The following FANCL variants were observed in gnomAD, a reference collection of about 807,000 sequenced individuals.
The protein encoded by FANCL is E3 ubiquitin-protein ligase FANCL.
Under a neutral mutation model 59.4 loss-of-function variants are expected in FANCL, and 69 were observed. That is an observed-to-expected ratio of 1.16 (90% CI 0.96 to 1.42). The LOEUF is 1.42. FANCL is among the 40% of genes most tolerant of loss of function. The probability of loss-of-function intolerance (pLI) is 0.00; values close to 1 mark genes in which losing one functional copy is unlikely to be tolerated. For synonymous variants in FANCL, 180 were observed against 147.1 expected, an observed-to-expected ratio of 1.22 and a Z score of -1.62; for missense variants, 519 against 447.2, an observed-to-expected ratio of 1.16 and a Z score of -1.45.
At chr2:58,163,743 T>G (rs952590007) in intron 8 of FANCL, among the ~76,000 whole-genome samples, 4 of 151,986 alleles carry the variant, frequency 2.6e-5, no homozygotes, top group African/African-American at 9.7e-5. Flanking sequence ...GTCAACAAAT[T>G]GATATATTTA....
chr2:58,183,790 T>C (rs985549865), intron 7 of FANCL, among the ~76,000 whole-genome samples: 1 of 151,948 alleles, frequency 6.6e-6, no homozygotes, highest in Non-Finnish European at 1.5e-5. Context: ...AAAAAATACA[T>C]TAAAGTTGAT....
In FANCL at chr2:58,186,311, T is replaced by C. The variant is rs190700938; in HGVS notation, c.540+12283A>G. On this transcript the variant is annotated intron_variant, in intron 7 of 13. Transcript: ENST00000233741. The stretch of plus-strand genomic sequence containing the variant: ...TAAATTTCTGGGCCATAAGTATGAT[T>C]GGTATATTTGGACCCTTGTCCTACA... 4.2e-3 allele frequency among the ~76,000 whole-genome samples: 637 copies of C among 152,254 alleles called. 7 individuals carry two copies. Among genetic ancestry groups the C allele is most frequent in the African/African-American group, 0.014 (595 of 41,530 alleles).
intron 2 of FANCL, 66 bp downstream of exon 2, chr2:58,231,988 T>C: frequency 1.5e-6 from 2 of 1,328,592 alleles, no homozygotes; most frequent in South Asian, 2.4e-5. Flanking sequence ...AATCAATTTA[T>C]ACCAAATGTA....
At chr2:58,203,556 C>A (rs1428176833) in intron 6 of FANCL, among the ~76,000 whole-genome samples, 1 of 151,908 alleles carries the variant, frequency 6.6e-6, no homozygotes, top group Non-Finnish European at 1.5e-5. Context: ...GATGAAACAA[C>A]CATGTTTTGT....
Position 58,204,237 on chromosome 2 carries a change from G to C in FANCL, c.375-11C>G. On this transcript the variant is annotated splice_polypyrimidine_tract_variant and intron_variant, in intron 5 of 13. Transcript: ENST00000233741. Reference sequence around the variant, plus strand: ...TCCGCATACACAAGTCTGGTGAGCAGAGGAGAATAAAAAATGATCACACCG... The same window carrying C: ...TCCGCATACACAAGTCTGGTGAGCACAGGAGAATAAAAAATGATCACACCG... The C allele has an allele frequency of 6.2e-7, 1 of 1,605,844 alleles. No homozygotes were observed. The highest frequency in any genetic ancestry group is 2.2e-5 in the East Asian group (1 of 44,828).
chr2:58,199,530 A>T (rs888867676), intron 6 of FANCL, among the ~76,000 whole-genome samples: 3 of 152,182 alleles, frequency 2.0e-5, no homozygotes, highest in Admixed American at 2.0e-4. Context: ...AAAAAATAAA[A>T]CAGTTTTTAG....
At chr2:58,197,520 G>A (rs1361070163) in intron 7 of FANCL, among the ~76,000 whole-genome samples, 1 of 152,098 alleles carries the variant, frequency 6.6e-6, no homozygotes, top group African/African-American at 2.4e-5. Context: ...ATCACATTGT[G>A]CCACATCCTT....
rs1685513605 is a variant in FANCL at position 58,163,468 on chromosome 2, C to A, written c.741G>T (p.Met247Ile). ...CTCCAAGAAAGAAGCACTCAGGAAG[C>A]ATAGTAGGATGCCTGGGGTCTACCT... ...NIEVDPRHPT[M>I]LPECFFLGAD... The change falls in exon 9 of 14, where the codon ATG becomes ATT. Residue 247 changes from methionine to isoleucine, a missense_variant. Physicochemically the swap from Met to Ile is conservative, Grantham distance 10. Transcript: ENST00000233741. The A allele has an allele frequency of 2.5e-6, 4 of 1,610,922 alleles. No individual in the cohort carries two copies. The highest frequency in any genetic ancestry group is 3.4e-6 in the Non-Finnish European group (4 of 1,177,484).
chr2:58,194,040 CAGATTATCAGCCAGAGGCT>C (rs1689192013), intron 7 of FANCL, among the ~76,000 whole-genome samples: 1 of 152,048 alleles, frequency 6.6e-6, no homozygotes, highest in Non-Finnish European at 1.5e-5. Flanking sequence ...CATTCACCAT[CAGATTATCAGCCAGAGGCT>C]TTATCATTAG....
At chr2:58,192,386 A>T (rs1403894033) in intron 7 of FANCL, among the ~76,000 whole-genome samples, 1 of 151,922 alleles carries the variant, frequency 6.6e-6, no homozygotes, top group East Asian at 1.9e-4. Flanking sequence ...AAGAAATACC[A>T]TTGGTATTTT....
chr2:58,193,482 T>A (rs1359938809), intron 7 of FANCL, among the ~76,000 whole-genome samples: 1 of 152,136 alleles, frequency 6.6e-6, no homozygotes, highest in Non-Finnish European at 1.5e-5. Flanking sequence ...ACTAAGTCTA[T>A]AGGTCAAATG....
chr2:58,211,641 C>T (rs967132122), intron 5 of FANCL, among the ~76,000 whole-genome samples: 9 of 151,894 alleles, frequency 5.9e-5, no homozygotes, highest in Non-Finnish European at 1.3e-4. Context: ...CCTTTTAAAA[C>T]TAAATGCTTT....
intron 7 of FANCL, among the ~76,000 whole-genome samples, chr2:58,178,374 T>G (rs1687579835): frequency 6.6e-6 from 1 of 152,130 alleles, no homozygotes; most frequent in South Asian, 2.1e-4. Context: ...ATCAAAAAGC[T>G]TATCTACCAC....
intron 5 of FANCL, among the ~76,000 whole-genome samples, chr2:58,216,950 T>C (rs1045371039): frequency 1.3e-5 from 2 of 151,360 alleles, no homozygotes; most frequent in African/African-American, 4.9e-5. Flanking sequence ...GTTATTTTAT[T>C]ACAGCTTTTT....
chr2:58,210,022 T>G (rs1345219977), intron 5 of FANCL, among the ~76,000 whole-genome samples: 1 of 152,192 alleles, frequency 6.6e-6, no homozygotes, highest in Non-Finnish European at 1.5e-5. Flanking sequence ...CTAGTTGAAG[T>G]GTACTCACTC....
intron 5 of FANCL, among the ~76,000 whole-genome samples, chr2:58,216,031 A>C (rs965092954): frequency 1.2e-4 from 19 of 152,194 alleles, no homozygotes; most frequent in Non-Finnish European, 2.8e-4. Context: ...TCCTAAAAGC[A>C]ATGCTAACAA....
At chr2:58,179,063 C>T (rs1021275389) in intron 7 of FANCL, among the ~76,000 whole-genome samples, 3 of 152,136 alleles carry the variant, frequency 2.0e-5, no homozygotes, top group South Asian at 2.1e-4. Flanking sequence ...CTACAAACCA[C>T]TGCTCAAGGA....
chr2:58,206,864 G>A (rs1203185984), intron 5 of FANCL, among the ~76,000 whole-genome samples: 2 of 152,130 alleles, frequency 1.3e-5, no homozygotes, highest in Admixed American at 6.5e-5. Context: ...GCTGCTTCCT[G>A]GTCACTTTGT....
intron 8 of FANCL, among the ~76,000 whole-genome samples, chr2:58,165,347 C>A (rs1230185705): frequency 6.6e-6 from 1 of 152,168 alleles, no homozygotes; most frequent in Non-Finnish European, 1.5e-5. Flanking sequence ...ATTCCCAGAT[C>A]TGAGCACACT....
Sources: gnomAD v4.1 joint callset for allele counts (sites outside exome capture counted in the v4.1 genomes callset) on GRCh38, gnomAD v4.1.1 for gene constraint, MANE v1.5 for transcripts, NCBI Gene and HGNC (gene_info 2026-07-23, HGNC 2026-07-21) for gene names.